Variants in UGT2A3 observed in about 807,000 individuals in gnomAD.
The protein encoded by UGT2A3 is UDP-glucuronosyltransferase 2A3.
In UGT2A3, 55 loss-of-function variants were observed where a neutral mutation model predicts 44.1. That is an observed-to-expected ratio of 1.25 (90% CI 1.00 to 1.56). The LOEUF is 1.56. Ranked by LOEUF, UGT2A3 falls within the 40% of genes most tolerant of loss-of-function variation. The pLI is 0.00. For missense variants in UGT2A3, 733 were observed against 621.6 expected (o/e 1.18, Z -1.91); for synonymous variants, 243 against 215.1 (o/e 1.13, Z -1.13).
chr4:68,947,712 A>T (rs1718431381), intron 1 of UGT2A3, among the ~76,000 whole-genome samples: 1 of 151,844 alleles, frequency 6.6e-6, no homozygotes, highest in South Asian at 2.1e-4. Flanking sequence ...GATCCATGGC[A>T]TGTAAGATGG....
intron 2 of UGT2A3, among the ~76,000 whole-genome samples, chr4:68,944,009 G>T (rs1718289287): frequency 6.6e-6 from 1 of 151,816 alleles, no homozygotes. Flanking sequence ...TTGGTTGAAT[G>T]TGCTTTTCCC....
At chr4:68,937,527 C>T (rs11946927) in intron 2 of UGT2A3, among the ~76,000 whole-genome samples, 10 of 151,910 alleles carry the variant, frequency 6.6e-5, no homozygotes, top group Non-Finnish European at 1.5e-4. Context: ...AACAAAGATA[C>T]GAAGTACTAG....
chr4:68,945,223 T>C, intron 2 of UGT2A3, 83 bp downstream of exon 2: 1 of 1,520,948 alleles, frequency 6.6e-7, no homozygotes, highest in Non-Finnish European at 9.0e-7. Flanking sequence ...AACATCATCC[T>C]TCTATAACTA....
chr4:68,940,814 G>C (rs1718157608), intron 2 of UGT2A3, among the ~76,000 whole-genome samples: 1 of 60,332 alleles, frequency 1.7e-5, no homozygotes. Flanking sequence ...ATATAGCATA[G>C]ATATCACCAA....
chr4:68,931,155 CAAG>C lies in UGT2A3; in HGVS notation c.1081_1083del (p.Leu361del), dbSNP rs1560454855. ...TATTTTTACTTTCTCATAGACCTAC[CAAG>C]AAGATCATTCTGGGGTATCCAATCA... On this transcript the variant is annotated inframe_deletion and splice_region_variant, in exon 4 of 6. Transcript: ENST00000251566. The C allele has an allele frequency of 6.2e-7, 1 of 1,610,820 alleles. No individual in the cohort carries two copies. The highest frequency in any genetic ancestry group is 1.1e-5 in the South Asian group (1 of 90,730).
At position 68,942,538 on chromosome 4, in the gene UGT2A3, T is replaced by TATATATATATATATATATAC. The variant is rs1442602288; in HGVS notation, c.864+2767_864+2768insGTATATATATATATATATAT. ...ATATATATATATATATATATATATA[T>TATATATATATATATATATAC]ACATTTTCCAATGTTTATATATATC... is the stretch of plus-strand genomic sequence containing the variant. On this transcript the variant is annotated intron_variant, in intron 2 of 5. Coordinates refer to ENST00000251566, the MANE Select transcript of UGT2A3 (RefSeq NM_024743.4). 1.3e-4 allele frequency among the ~76,000 whole-genome samples: 18 copies of TATATATATATATATATATAC among 143,004 alleles called. 1 individual carries two copies. Among genetic ancestry groups the TATATATATATATATATATAC allele is most frequent in the African/African-American group, 4.8e-4 (18 of 37,500 alleles). 93.8% of individuals were successfully genotyped at this position (143,004 alleles called of 152,430 possible).
At position 68,930,024 on chromosome 4, in the gene UGT2A3, G is replaced by A. The variant is rs778440109; in HGVS notation, c.1373C>T (p.Ala458Val). The change falls in exon 6 of 6, where the codon GCA (alanine) becomes GTA (valine). Residue 458 changes from alanine (A) to valine (V), a missense_variant. Transcript: ENST00000251566. ...CATGACAAACTCGATCCAGAAGACT[G>A]CTCGATCTAGGGGCTTTACAGGTTG... is the stretch of plus-strand genomic sequence containing the variant. ...HDQPVKPLDR[A>V]VFWIEFVMRH... 3 of 1,613,450 alleles carry A rather than the reference G, an allele frequency of 1.9e-6. No individual in the cohort carries two copies. The highest frequency in any genetic ancestry group is 8.5e-7 in the Non-Finnish European group (1 of 1,179,648).
Position 68,929,644 on chromosome 4 carries a change from A to G in UGT2A3, c.*169T>C. ...GAGTAAAGACACCTAGGAAAATACA[A>G]CGAAAGAATGAGATATACTCACAAC... On this transcript the variant is annotated 3_prime_UTR_variant, in exon 6 of 6. Transcript: ENST00000251566. 1 of 584,378 alleles carries G rather than the reference A, an allele frequency of 1.7e-6. No homozygotes were observed. The highest frequency in any genetic ancestry group is 2.9e-6 in the Non-Finnish European group (1 of 345,248). 36.2% of individuals were successfully genotyped at this position (584,378 alleles called of 1,614,324 possible). A position where few individuals can be genotyped will look rare whatever the true frequency, so the allele number is the denominator to read the frequency against.
chr4:68,930,224 A>C, intron 5 of UGT2A3, 132 bp from the exon 6 acceptor site: 1 of 1,082,792 alleles, frequency 9.2e-7, no homozygotes, highest in East Asian at 2.5e-5. Flanking sequence ...TGGTTGTGAC[A>C]TGAATATTGT....
Position 68,949,158 on chromosome 4 carries a change from C to T in UGT2A3, c.715+1888G>A, listed in dbSNP as rs549575115. 1.4e-4 allele frequency among the ~76,000 whole-genome samples: 21 copies of T among 151,948 alleles called. No individual in the cohort carries two copies. The South Asian group carries it at 2.1e-3, about 15-fold the overall frequency. The stretch of plus-strand genomic sequence containing the variant: ...CCTAACACTTCCCATCAAGCCCCAC[C>T]TCCAATATTGGTGATCAAATTTCAA... On this transcript the variant is annotated intron_variant, in intron 1 of 5. Coordinates refer to ENST00000251566, the MANE Select transcript of UGT2A3 (RefSeq NM_024743.4).
chr4:68,935,473 GT>G (rs1717915175), intron 2 of UGT2A3, among the ~76,000 whole-genome samples: 1 of 151,316 alleles, frequency 6.6e-6, no homozygotes, highest in African/African-American at 2.4e-5. Context: ...AGGGACCTGG[GT>G]GTTAGAAGGA....
intron 1 of UGT2A3, among the ~76,000 whole-genome samples, chr4:68,945,735 AGAAGGAAG>A (rs3071535): frequency 8.7e-5 from 13 of 148,990 alleles, no homozygotes; most frequent in Admixed American, 3.4e-4. Context: ...AAGGAAGGAA[AGAAGGAAG>A]GAAGGAAGGA....
intron 2 of UGT2A3, among the ~76,000 whole-genome samples, chr4:68,937,205 C>G (rs1001129318): frequency 2.0e-5 from 3 of 152,088 alleles, no homozygotes; most frequent in Non-Finnish European, 2.9e-5. Flanking sequence ...CAGCTCTGCT[C>G]CAAGCAGACC....
Position 68,931,248 on chromosome 4 carries a change from G to C in UGT2A3, c.997-6C>G, listed in dbSNP as rs764579764. ...CCTTTGTACCTCCATAACACCTACG[G>C]AAGAAACACATGTATTTCACAGAGT... On this transcript the variant is annotated splice_polypyrimidine_tract_variant and splice_region_variant and intron_variant, in intron 3 of 5. Coordinates refer to ENST00000251566, the MANE Select transcript of UGT2A3 (RefSeq NM_024743.4). 6.2e-7 allele frequency: 1 copy of C among 1,608,646 alleles called. No individual in the cohort carries two copies. Among genetic ancestry groups the C allele is most frequent in the East Asian group, 2.2e-5 (1 of 44,750 alleles).
chr4:68,942,335 C>CTATA (rs200680807), intron 2 of UGT2A3, among the ~76,000 whole-genome samples: 6 of 142,308 alleles, frequency 4.2e-5, no homozygotes, highest in Non-Finnish European at 7.7e-5. Context: ...CTCTCTCTCT[C>CTATA]TCTCTATATA....
chr4:68,943,274 G>A (rs1718264257), intron 2 of UGT2A3: 1 of 1,225,796 alleles, frequency 8.2e-7, no homozygotes, highest in Non-Finnish European at 1.1e-6. Flanking sequence ...AATGGCATGG[G>A]AGATTACCTA....
At chr4:68,939,140 T>C (rs532809661) in intron 2 of UGT2A3, among the ~76,000 whole-genome samples, 69 of 152,268 alleles carry the variant, frequency 4.5e-4, no homozygotes, top group African/African-American at 1.5e-3. Context: ...AATTTATAGA[T>C]TCAATGCCAT....
intron 1 of UGT2A3, among the ~76,000 whole-genome samples, chr4:68,950,809 G>A (rs2109799522): frequency 6.6e-6 from 1 of 151,734 alleles, no homozygotes; most frequent in East Asian, 2.0e-4. Flanking sequence ...GCGCTATTTG[G>A]AGGAAATACA....
chr4:68,931,219 T>G lies in UGT2A3; in HGVS notation c.1020A>C (p.Lys340Asn). 2 of 1,612,906 alleles carry G rather than the reference T, an allele frequency of 1.2e-6. No homozygotes were observed. The highest frequency in any genetic ancestry group is 1.1e-5 in the South Asian group (1 of 91,032). ...TATTGGCTCCTAATGTGGATGGTTT[T>G]TTTCCTTTGTACCTCCATAACACCT... ...PQKVLWRYKGKKPSTLGANTR... is the reference protein window; with the variant it reads ...PQKVLWRYKGNKPSTLGANTR... The change falls in exon 4 of 6, where the codon AAA becomes AAC. Residue 340 changes from lysine (K) to asparagine (N), a missense_variant. By Grantham distance (94) the Lys-to-Asn change is moderately conservative. Transcript: ENST00000251566.
Sources: allele counts gnomAD v4.1 joint callset (sites outside exome capture counted in the v4.1 genomes callset), GRCh38; gene constraint gnomAD v4.1.1; transcripts MANE v1.5; gene names NCBI Gene and HGNC (gene_info 2026-07-23, HGNC 2026-07-21).